Variants in GRIN2B observed in about 807,000 individuals in gnomAD.
The protein encoded by GRIN2B is glutamate receptor ionotropic, NMDA 2B.
In GRIN2B, 5 loss-of-function variants were observed where a neutral mutation model predicts 114.5. That is an observed-to-expected ratio of 0.04 (90% CI 0.02 to 0.09). The LOEUF (loss-of-function observed/expected upper bound fraction) is 0.09, where lower values mean the gene tolerates loss of function less well. Ranked by LOEUF, GRIN2B falls within the 10% of genes least tolerant of loss-of-function variation. GRIN2B has a pLI of 1.00. For missense variants in GRIN2B, 1,108 were observed against 1,943.5 expected, an observed-to-expected ratio of 0.57 and a Z score of 8.08; for synonymous variants, 787 against 745.1, an observed-to-expected ratio of 1.06 and a Z score of -0.92.
In GRIN2B at chr12:13,541,535, A is replaced by T. The variant is rs1948279975; in HGVS notation, c.*21248T>A. ...CCTTTGCTTCCCTCTTCCTTCCTAA[A>T]TAGAGTTTAATGCGTACTCAGTGCA... On this transcript the variant is annotated 3_prime_UTR_variant, in exon 14 of 14. Coordinates refer to ENST00000609686, the MANE Select transcript of GRIN2B (RefSeq NM_000834.5). The T allele has an allele frequency of 1.3e-5, 2 of 152,244 alleles. No individual in the cohort carries two copies. The highest frequency in any genetic ancestry group is 2.4e-5 in the African/African-American group (1 of 41,446). The allele number at this position is 152,244 out of a possible 1,614,324, so 9.4% of individuals were successfully genotyped here. A position where few individuals can be genotyped will look rare whatever the true frequency, so the allele number is the denominator to read the frequency against.
intron 2 of GRIN2B, among the ~76,000 whole-genome samples, chr12:13,899,409 AG>A (rs1591610320): frequency 9.4e-6 from 1 of 106,030 alleles, no homozygotes; most frequent in East Asian, 1.9e-4. Context: ...CAAGTTGAAG[AG>A]TGTTTAATCG....
At chr12:13,838,496 T>C (rs915022702) in intron 3 of GRIN2B, among the ~76,000 whole-genome samples, 1 of 152,222 alleles carries the variant, frequency 6.6e-6, no homozygotes, top group Non-Finnish European at 1.5e-5. Context: ...CCATGCATTG[T>C]TTTATCACAT....
intron 5 of GRIN2B, among the ~76,000 whole-genome samples, chr12:13,674,857 G>A (rs1950056840): frequency 1.3e-5 from 2 of 152,058 alleles, no homozygotes; most frequent in Non-Finnish European, 2.9e-5. Flanking sequence ...AACTTCCAAG[G>A]GTTAGTATGT....
At chr12:13,855,536 T>C (rs577611066) in intron 3 of GRIN2B, among the ~76,000 whole-genome samples, 7 of 152,322 alleles carry the variant, frequency 4.6e-5, no homozygotes, top group Non-Finnish European at 8.8e-5. Context: ...TCTCACACTC[T>C]AAGGCTCTAG....
intron 3 of GRIN2B, among the ~76,000 whole-genome samples, chr12:13,792,415 C>A (rs1864336967): frequency 6.6e-6 from 1 of 152,228 alleles, no homozygotes; most frequent in African/African-American, 2.4e-5. Flanking sequence ...CCAGCCTGGC[C>A]TGTGGGTCCT....
At chr12:13,737,723 T>A (rs1308537959) in intron 4 of GRIN2B, among the ~76,000 whole-genome samples, 1 of 152,178 alleles carries the variant, frequency 6.6e-6, no homozygotes, top group Admixed American at 6.5e-5. Flanking sequence ...TGATAAAAAT[T>A]ACCTAATAAT....
intron 3 of GRIN2B, among the ~76,000 whole-genome samples, chr12:13,829,792 G>A (rs1018049329): frequency 2.0e-5 from 3 of 152,206 alleles, no homozygotes; most frequent in Non-Finnish European, 4.4e-5. Context: ...AGGATAGAAA[G>A]ATGACTTTTA....
At position 13,556,157 on chromosome 12, in the gene GRIN2B, CT is replaced by C. The variant is rs1364099493; in HGVS notation, c.*6625del. 4.6e-5 allele frequency: 7 copies of C among 152,176 alleles called. No homozygotes were observed. In the East Asian group the frequency reaches 1.4e-3, roughly 29 times the overall value. The allele number at this position is 152,176 out of a possible 1,614,324, so 9.4% of individuals were successfully genotyped here. ...GAGAGGAAATCCCAGAGTTTTAGCT[CT>C]GGGAGGTGTAATAATTTCAAAAGAA... On this transcript the variant is annotated 3_prime_UTR_variant, in exon 14 of 14. Transcript: ENST00000609686.
intron 3 of GRIN2B, among the ~76,000 whole-genome samples, chr12:13,833,737 C>T (rs2136705819): frequency 6.6e-6 from 1 of 152,250 alleles, no homozygotes; most frequent in African/African-American, 2.4e-5. Context: ...CATTCCTACC[C>T]CATTTTACAG....
At chr12:13,969,533 T>C (rs1369847150) in intron 2 of GRIN2B, among the ~76,000 whole-genome samples, 1 of 152,250 alleles carries the variant, frequency 6.6e-6, no homozygotes, top group African/African-American at 2.4e-5. Flanking sequence ...TAATCTAGAA[T>C]ATAATTTTCC....
chr12:13,729,003 A>G (rs1450597669), intron 4 of GRIN2B, among the ~76,000 whole-genome samples: 4 of 152,208 alleles, frequency 2.6e-5, no homozygotes, highest in African/African-American at 9.6e-5. Context: ...ATACACAAGT[A>G]TCTTCTCACA....
intron 2 of GRIN2B, among the ~76,000 whole-genome samples, chr12:13,933,959 C>T (rs1867082958): frequency 6.6e-6 from 1 of 152,220 alleles, no homozygotes; most frequent in Non-Finnish European, 1.5e-5. Context: ...CACCACCAAC[C>T]TACTCAAATT....
At chr12:13,963,807 G>A (rs1274984011) in intron 2 of GRIN2B, among the ~76,000 whole-genome samples, 1 of 152,074 alleles carries the variant, frequency 6.6e-6, no homozygotes, top group Non-Finnish European at 1.5e-5. Context: ...TTGCCTTGGT[G>A]TAAAAGCCAC....
chr12:13,865,581 G>A (rs1273452344), intron 3 of GRIN2B, among the ~76,000 whole-genome samples: 8 of 152,198 alleles, frequency 5.3e-5, no homozygotes, highest in African/African-American at 1.4e-4. Flanking sequence ...GCAGTGAGCC[G>A]AGATGGCATC....
rs552375227 is a variant in GRIN2B at position 13,834,807 on chromosome 12, A to G, written c.411+30991T>C. Among the ~76,000 whole-genome samples the G allele has an allele frequency of 2.6e-5, 4 of 152,310 alleles. No individual in the cohort carries two copies. In the East Asian group the frequency reaches 7.7e-4, roughly 29 times the overall value. On this transcript the variant is annotated intron_variant, in intron 3 of 13. Coordinates refer to ENST00000609686, the MANE Select transcript of GRIN2B (RefSeq NM_000834.5). ...TCACCATCTAAGCCAGTAAATCTCA[A>G]CTTCTGTATATTAGAGTCAACTGGA...
intron 2 of GRIN2B, among the ~76,000 whole-genome samples, chr12:13,881,087 TTATTTC>T (rs1467427513): frequency 6.6e-6 from 1 of 152,150 alleles, no homozygotes; most frequent in African/African-American, 2.4e-5. Flanking sequence ...AAAGATAACT[TTATTTC>T]TATTCATTTT....
In GRIN2B at chr12:13,607,798, G is replaced by A. The variant is rs530305021; in HGVS notation, c.2010+805C>T. ...ATAGAGTAGAAAATTTGTTGTAAGCGCAAGTCTCCAAAATTATTTTGGCCA... is the reference window on the plus strand; with the variant it reads ...ATAGAGTAGAAAATTTGTTGTAAGCACAAGTCTCCAAAATTATTTTGGCCA... On this transcript the variant is annotated intron_variant, in intron 10 of 13. Transcript: ENST00000609686. Among the ~76,000 whole-genome samples the A allele has an allele frequency of 6.6e-4, 100 of 151,662 alleles. 1 individual carries two copies. The highest frequency in any genetic ancestry group is 2.2e-3 in the African/African-American group (90 of 41,340).
intron 4 of GRIN2B, among the ~76,000 whole-genome samples, chr12:13,679,716 T>C (rs1950110644): frequency 6.6e-6 from 1 of 152,156 alleles, no homozygotes; most frequent in South Asian, 2.1e-4. Context: ...CAAATATACA[T>C]CAGCCTTGAG....
chr12:13,622,850 G>C (rs1949531532), intron 5 of GRIN2B, among the ~76,000 whole-genome samples: 1 of 152,142 alleles, frequency 6.6e-6, no homozygotes, highest in African/African-American at 2.4e-5. Context: ...CAGAGCCTCA[G>C]GACCTAATTG....
Sources: gnomAD v4.1 joint callset for allele counts (sites outside exome capture counted in the v4.1 genomes callset) on GRCh38, gnomAD v4.1.1 for gene constraint, MANE v1.5 for transcripts, NCBI Gene and HGNC (gene_info 2026-07-23, HGNC 2026-07-21) for gene names.